ATL2: variants seen among roughly 807,000 people sequenced by gnomAD.
ATL2 encodes atlastin GTPase 2.
Under a neutral mutation model 73.9 loss-of-function variants are expected in ATL2, and 31 were observed. That is an observed-to-expected ratio of 0.42 (90% CI 0.32 to 0.57). The LOEUF (loss-of-function observed/expected upper bound fraction) is 0.57. Ranked by LOEUF, ATL2 falls within the 20% of genes least tolerant of loss-of-function variation. The pLI is 0.14. For missense variants in ATL2, 738 were observed against 702.6 expected (o/e 1.05, Z -0.57); for synonymous variants, 291 against 237.5 (o/e 1.23, Z -2.07).
chr2:38,323,057 G>C (rs1178069168), intron 2 of ATL2, among the ~76,000 whole-genome samples: 1 of 152,056 alleles, frequency 6.6e-6, no homozygotes, highest in Non-Finnish European at 1.5e-5. Flanking sequence ...CATTTTTCTA[G>C]GGATACAGCA....
intron 1 of ATL2, among the ~76,000 whole-genome samples, chr2:38,370,091 C>A (rs1013282172): frequency 2.1e-5 from 3 of 141,730 alleles, no homozygotes; most frequent in Non-Finnish European, 4.6e-5. Context: ...GGGGGCGGAG[C>A]CTGCAGTGAG....
At chr2:38,374,529 A>C (rs72907887) in intron 1 of ATL2, among the ~76,000 whole-genome samples, 8,773 of 152,300 alleles carry the variant, frequency 0.058, 843 homozygotes, top group African/African-American at 0.2. Flanking sequence ...ATTACCAAAA[A>C]GTTTAACTTC....
At chr2:38,296,669 G>C in intron 12 of ATL2, 1 of 1,573,498 alleles carries the variant, frequency 6.4e-7, no homozygotes, top group Non-Finnish European at 8.6e-7. Context: ...AAGAATTTGA[G>C]ACTGTAGGTT....
chr2:38,319,776 G>A (rs6544157), intron 2 of ATL2, among the ~76,000 whole-genome samples: 142,055 of 152,284 alleles, frequency 0.93, 66,353 homozygotes, highest in East Asian at 1. Context: ...ATAGCTTACA[G>A]TAAGTTTTCA....
intron 9 of ATL2, among the ~76,000 whole-genome samples, chr2:38,302,460 C>A (rs1485927448): frequency 6.6e-6 from 1 of 152,086 alleles, no homozygotes; most frequent in Non-Finnish European, 1.5e-5. Context: ...TGGGCCTTGA[C>A]TGACCACAGG....
chr2:38,300,002 A>G (rs138330990), intron 10 of ATL2, among the ~76,000 whole-genome samples: 2 of 152,302 alleles, frequency 1.3e-5, no homozygotes, highest in African/African-American at 4.8e-5. Flanking sequence ...CTTATCAAAT[A>G]GAAATTTTCC....
At chr2:38,368,247 CTTTT>C (rs569726038) in intron 1 of ATL2, among the ~76,000 whole-genome samples, 1 of 138,040 alleles carries the variant, frequency 7.2e-6, no homozygotes, top group Admixed American at 7.3e-5. Flanking sequence ...AAAATAAGGA[CTTTT>C]TTTTTTTTTT....
At chr2:38,351,037 T>C (rs942836885) in intron 1 of ATL2, among the ~76,000 whole-genome samples, 1 of 152,206 alleles carries the variant, frequency 6.6e-6, no homozygotes, top group Non-Finnish European at 1.5e-5. Context: ...GAACAAAGAA[T>C]AATTCACCTT....
chr2:38,357,619 T>C (rs1573566743), intron 1 of ATL2, among the ~76,000 whole-genome samples: 1 of 118,254 alleles, frequency 8.5e-6, no homozygotes, highest in African/African-American at 3.5e-5. Context: ...ACCACTGCAC[T>C]CCAGCCTGCG....
rs574457301 is a variant in ATL2, at chr2:38,339,754, A to C, written c.363+3514T>G. 3.9e-5 allele frequency among the ~76,000 whole-genome samples: 6 copies of C among 152,244 alleles called. 1 individual carries two copies. In the South Asian group the frequency reaches 1.0e-3, roughly 26 times the overall value. On this transcript the variant is annotated intron_variant, in intron 2 of 12. Transcript: ENST00000378954. ...TGCCCAGGTTAGAGTATGATGGCAC[A>C]ATCTCGGCTCACTGCAACCTCCACC... is the stretch of plus-strand genomic sequence containing the variant.
At chr2:38,303,403 A>G (rs1337325157) in intron 9 of ATL2, among the ~76,000 whole-genome samples, 1 of 151,854 alleles carries the variant, frequency 6.6e-6, no homozygotes, top group Non-Finnish European at 1.5e-5. Flanking sequence ...ACAAGGTTTC[A>G]CCATGTTGCC....
chr2:38,296,291 C>T lies in ATL2; in HGVS notation c.1633-178G>A. 6 of 1,439,234 alleles carry T rather than the reference C, an allele frequency of 4.2e-6. No homozygotes were observed. In the South Asian group the frequency reaches 9.3e-5, roughly 22 times the overall value. The allele number at this position is 1,439,234 out of a possible 1,614,324, so 89.2% of individuals were successfully genotyped here. Reference sequence around the variant, plus strand: ...TGCTACTAGACATTTTATAATGCAACAAAAATTACTTTCCTCTTATTCAAA... The same window carrying T: ...TGCTACTAGACATTTTATAATGCAATAAAAATTACTTTCCTCTTATTCAAA... On this transcript the variant is annotated intron_variant, in intron 12 of 12. Coordinates refer to ENST00000378954, the MANE Select transcript of ATL2 (RefSeq NM_001135673.4).
At position 38,294,373 on chromosome 2, in the gene ATL2, C is replaced by T. The variant is rs1221083594; in HGVS notation, c.*1621G>A. 6.6e-6 allele frequency among the ~76,000 whole-genome samples: 1 copy of T among 152,144 alleles called. No homozygotes were observed. The highest frequency in any genetic ancestry group is 2.4e-5 in the African/African-American group (1 of 41,438). ...ACCATCCTGGCTAAAACGGTGAAAC[C>T]CCATCTCTACTTAAAATAGAAAACA... On this transcript the variant is annotated 3_prime_UTR_variant, in exon 13 of 13. Coordinates refer to ENST00000378954, the MANE Select transcript of ATL2 (RefSeq NM_001135673.4).
chr2:38,345,799 G>T (rs1669983368), intron 1 of ATL2, among the ~76,000 whole-genome samples: 1 of 152,190 alleles, frequency 6.6e-6, no homozygotes, highest in Non-Finnish European at 1.5e-5. Context: ...GAAGTAGGGA[G>T]CAAACTGCCT....
intron 1 of ATL2, among the ~76,000 whole-genome samples, chr2:38,373,468 G>A (rs1280805172): frequency 6.6e-6 from 1 of 152,130 alleles, no homozygotes; most frequent in Non-Finnish European, 1.5e-5. Context: ...TACTTGTACT[G>A]GTCCGAAGAC....
chr2:38,353,589 G>T (rs1265388711), intron 1 of ATL2, among the ~76,000 whole-genome samples: 3 of 152,140 alleles, frequency 2.0e-5, no homozygotes, highest in African/African-American at 4.8e-5. Flanking sequence ...GGTCCAAAAA[G>T]CTCAGCAAAC....
intron 8 of ATL2, among the ~76,000 whole-genome samples, 165 bp from the exon 9 acceptor site, chr2:38,309,671 G>GA (rs1463521675): frequency 6.6e-6 from 1 of 151,704 alleles, no homozygotes; most frequent in Non-Finnish European, 1.5e-5. Flanking sequence ...TATCTCATAG[G>GA]AAAAAATATA....
Position 38,295,945 on chromosome 2 carries a change from C to T in ATL2, c.*49G>A, listed in dbSNP as rs1459609032. On this transcript the variant is annotated 3_prime_UTR_variant, in exon 13 of 13. Coordinates refer to ENST00000378954, the MANE Select transcript of ATL2 (RefSeq NM_001135673.4). Reference sequence around the variant, plus strand: ...TATTTTTATTTGAGTTCTCATTGTACAGCAAGCATGAAAAAAAAAGAGAGT... The same window carrying T: ...TATTTTTATTTGAGTTCTCATTGTATAGCAAGCATGAAAAAAAAAGAGAGT... The T allele has an allele frequency of 2.1e-6, 3 of 1,424,128 alleles. No homozygotes were observed. Among genetic ancestry groups the T allele is most frequent in the Non-Finnish European group, 9.6e-7 (1 of 1,040,928 alleles). The allele number at this position is 1,424,128 out of a possible 1,614,324, so 88.2% of individuals were successfully genotyped here.
At chr2:38,355,814 C>G (rs1252056369) in intron 1 of ATL2, among the ~76,000 whole-genome samples, 2 of 151,556 alleles carry the variant, frequency 1.3e-5, no homozygotes, top group African/African-American at 4.9e-5. Flanking sequence ...ATTCTCCTGC[C>G]TCAGCCTCCT....
Sources: allele counts gnomAD v4.1 joint callset (sites outside exome capture counted in the v4.1 genomes callset), GRCh38; gene constraint gnomAD v4.1.1; transcripts MANE v1.5; gene names NCBI Gene and HGNC (gene_info 2026-07-23, HGNC 2026-07-21).